The following SHC4 variants were observed in gnomAD, a reference collection of about 807,000 sequenced individuals.
SHC4 encodes SHC adaptor protein 4, also known as SHC-transforming protein 4.
Under a neutral mutation model 69.4 loss-of-function variants are expected in SHC4, and 41 were observed. The observed-to-expected ratio is 0.59, with a 90% CI of 0.46 to 0.77. The LOEUF (loss-of-function observed/expected upper bound fraction) is 0.77, where lower values mean the gene tolerates loss of function less well. Ranked by LOEUF, SHC4 falls within the 30% of genes least tolerant of loss-of-function variation. The probability of loss-of-function intolerance (pLI) is 0.00; values close to 1 mark genes in which losing one functional copy is unlikely to be tolerated. For synonymous variants in SHC4, 318 were observed against 299.3 expected, an observed-to-expected ratio of 1.06 and a Z score of -0.64; for missense variants, 777 against 783.8, an observed-to-expected ratio of 0.99 and a Z score of 0.10.
chr15:48,942,761 G>T (rs1485312005), intron 1 of SHC4, among the ~76,000 whole-genome samples: 1 of 152,160 alleles, frequency 6.6e-6, no homozygotes, highest in Non-Finnish European at 1.5e-5. Flanking sequence ...GAGGTCAGTT[G>T]GTTATAGCTA....
At chr15:48,925,863 G>A (rs1328628588) in intron 1 of SHC4, among the ~76,000 whole-genome samples, 2 of 152,190 alleles carry the variant, frequency 1.3e-5, no homozygotes, top group African/African-American at 4.8e-5. Context: ...CAATAGGAAG[G>A]ACGGGACAGA....
intron 1 of SHC4, among the ~76,000 whole-genome samples, chr15:48,951,634 C>T (rs767280165): frequency 6.6e-6 from 1 of 152,168 alleles, no homozygotes; most frequent in Non-Finnish European, 1.5e-5. Context: ...TCCCCAAATA[C>T]ATCCTCCACT....
intron 2 of SHC4, among the ~76,000 whole-genome samples, chr15:48,906,249 A>G (rs1338703513): frequency 2.0e-5 from 3 of 152,232 alleles, no homozygotes; most frequent in Admixed American, 1.3e-4. Flanking sequence ...ACTCACTGCT[A>G]TAATAACATC....
At chr15:48,900,961 T>G (rs138781466) in intron 2 of SHC4, among the ~76,000 whole-genome samples, 63 of 152,358 alleles carry the variant, frequency 4.1e-4, no homozygotes, top group African/African-American at 1.5e-3. Flanking sequence ...TTGCAGGTTA[T>G]ATAGTTTCTG....
At chr15:48,933,608 G>T (rs906017583) in intron 1 of SHC4, among the ~76,000 whole-genome samples, 1 of 152,126 alleles carries the variant, frequency 6.6e-6, no homozygotes, top group Non-Finnish European at 1.5e-5. Context: ...AAATTCATGT[G>T]TAATTTCCTG....
chr15:48,918,505 G>C (rs1260195203), intron 2 of SHC4, among the ~76,000 whole-genome samples: 3 of 151,976 alleles, frequency 2.0e-5, no homozygotes, highest in African/African-American at 4.8e-5. Flanking sequence ...CCACTATTCA[G>C]GTTGTTTTGT....
intron 2 of SHC4, among the ~76,000 whole-genome samples, chr15:48,911,218 A>C (rs911830538): frequency 6.6e-6 from 1 of 152,094 alleles, no homozygotes; most frequent in Non-Finnish European, 1.5e-5. Flanking sequence ...TAGGTCTATT[A>C]GTAATTGTTT....
At chr15:48,842,180 G>A (rs770482893) in intron 10 of SHC4, among the ~76,000 whole-genome samples, 22 of 152,160 alleles carry the variant, frequency 1.4e-4, no homozygotes, top group Non-Finnish European at 2.9e-4. Context: ...TCCTGTTTAT[G>A]ATAGTAATTT....
At chr15:48,904,308 T>C (rs1900366979) in intron 2 of SHC4, among the ~76,000 whole-genome samples, 1 of 152,214 alleles carries the variant, frequency 6.6e-6, no homozygotes, top group South Asian at 2.1e-4. Flanking sequence ...AATATTCTTA[T>C]GGACAAAACA....
chr15:48,891,837 TTTTTG>T (rs559222582), intron 2 of SHC4, among the ~76,000 whole-genome samples: 39 of 152,100 alleles, frequency 2.6e-4, no homozygotes, highest in African/African-American at 6.7e-4. Flanking sequence ...TGCAGACCCA[TTTTTG>T]TTTTGTTTTG....
chr15:48,898,912 T>G (rs1208443755), intron 2 of SHC4, among the ~76,000 whole-genome samples: 1 of 152,206 alleles, frequency 6.6e-6, no homozygotes, highest in Non-Finnish European at 1.5e-5. Flanking sequence ...TGTTCTCCTT[T>G]AGGGTAAACT....
Position 48,963,086 on chromosome 15 carries a change from A to C in SHC4, c.-71T>G. On this transcript the variant is annotated 5_prime_UTR_variant, in exon 1 of 12. Coordinates refer to ENST00000332408, the MANE Select transcript of SHC4 (RefSeq NM_203349.4). ...GTCGTCTGGTAGATAAACGGTGCAG[A>C]CATCAGATACCTCAACGCCCGATGC... 1 of 1,464,708 alleles carries C rather than the reference A, an allele frequency of 6.8e-7. No homozygotes were observed. Among genetic ancestry groups the C allele is most frequent in the Non-Finnish European group, 9.2e-7 (1 of 1,085,190 alleles). 90.7% of individuals were successfully genotyped at this position (1,464,708 alleles called of 1,614,324 possible). A position where few individuals can be genotyped will look rare whatever the true frequency, so the allele number is the denominator to read the frequency against.
chr15:48,905,827 G>A (rs1900396758), intron 2 of SHC4, among the ~76,000 whole-genome samples: 1 of 152,232 alleles, frequency 6.6e-6, no homozygotes, highest in African/African-American at 2.4e-5. Flanking sequence ...GAATGTGTAT[G>A]TATTGCCTGA....
At chr15:48,838,633 G>A (rs999063148) in intron 10 of SHC4, among the ~76,000 whole-genome samples, 2 of 152,148 alleles carry the variant, frequency 1.3e-5, no homozygotes, top group African/African-American at 4.8e-5. Context: ...ATGTCTGTCA[G>A]ACATGTTACA....
intron 2 of SHC4, among the ~76,000 whole-genome samples, chr15:48,915,418 TG>T: frequency 6.6e-6 from 1 of 152,328 alleles, no homozygotes; most frequent in East Asian, 1.9e-4. Flanking sequence ...CTCAAGTATC[TG>T]AAAAGTGAGA....
intron 2 of SHC4, among the ~76,000 whole-genome samples, chr15:48,922,014 T>C (rs1427211625): frequency 6.6e-6 from 1 of 152,228 alleles, no homozygotes; most frequent in African/African-American, 2.4e-5. Flanking sequence ...TTTCATACTT[T>C]TCTGTACTTT....
rs578109299 is a variant in SHC4 at position 48,908,867 on chromosome 15, T to C, written c.656+16012A>G. On this transcript the variant is annotated intron_variant, in intron 2 of 11. Coordinates refer to ENST00000332408, the MANE Select transcript of SHC4 (RefSeq NM_203349.4). Reference sequence around the variant, plus strand: ...TTGAAGATCAGTTGGCTGTAAGTATTTGGATTTATTTCTGGGTTTATTCTG... The same window carrying C: ...TTGAAGATCAGTTGGCTGTAAGTATCTGGATTTATTTCTGGGTTTATTCTG... 3.3e-5 allele frequency among the ~76,000 whole-genome samples: 5 copies of C among 152,246 alleles called. No individual in the cohort carries two copies. In the South Asian group the frequency reaches 1.0e-3, roughly 32 times the overall value.
At chr15:48,865,542 C>T (rs1192691676) in intron 6 of SHC4, among the ~76,000 whole-genome samples, 2 of 152,104 alleles carry the variant, frequency 1.3e-5, no homozygotes, top group Admixed American at 1.3e-4. Flanking sequence ...GTTATTATTC[C>T]CACTTAAAAG....
At chr15:48,873,186 G>T (rs1030271646) in intron 4 of SHC4, among the ~76,000 whole-genome samples, 1 of 152,116 alleles carries the variant, frequency 6.6e-6, no homozygotes, top group African/African-American at 2.4e-5. Flanking sequence ...CTAACACAAA[G>T]AATATACTGC....
Sources: gnomAD v4.1 joint callset for allele counts (sites outside exome capture counted in the v4.1 genomes callset) on GRCh38, gnomAD v4.1.1 for gene constraint, MANE v1.5 for transcripts, NCBI Gene and HGNC (gene_info 2026-07-23, HGNC 2026-07-21) for gene names.